Variants in AKAP6 observed in about 807,000 individuals in gnomAD.
AKAP6 encodes A-kinase anchor protein 6.
AKAP6 carries 58 observed loss-of-function variants against 188.5 expected under a neutral mutation model. That is an observed-to-expected ratio of 0.31 (90% CI 0.25 to 0.38). The LOEUF is 0.38. AKAP6 is among the 10% of genes least tolerant of loss of function. The pLI is 1.00. For missense variants in AKAP6, 2,710 were observed against 2,740.0 expected (o/e 0.99, Z 0.24); for synonymous variants, 989 against 998.6 (o/e 0.99, Z 0.18).
At position 32,546,643 on chromosome 14, in the gene AKAP6, C is replaced by T. The variant is rs749073259; in HGVS notation, c.1990C>T (p.Gln664Ter). 1 of 1,613,962 alleles carries T rather than the reference C, an allele frequency of 6.2e-7. No homozygotes were observed. The highest frequency in any genetic ancestry group is 1.3e-5 in the African/African-American group (1 of 74,882). ...TCAGAAACCCAGAGGAGAAACCATC[C>T]AGAATATTGATGACTGGGAACTGTC... The part of the protein sequence containing the change: ...LPQKPRGETI[Q>*]NIDDWELSEM... Residue 664 changes from glutamine (Q) to a stop codon, truncating the protein, a stop_gained, in exon 4 of 14, where the codon CAG becomes TAG. Coordinates refer to ENST00000280979, the MANE Select transcript of AKAP6 (RefSeq NM_004274.5). LOFTEE classifies it high-confidence loss of function.
intron 2 of AKAP6, among the ~76,000 whole-genome samples, chr14:32,455,543 C>T (rs1292972464): frequency 6.6e-6 from 1 of 152,076 alleles, no homozygotes; most frequent in East Asian, 1.9e-4. Context: ...GAGAATTATC[C>T]ATTGGAATAC....
Position 32,503,797 on chromosome 14 carries a change from TA to T in AKAP6, c.325-31756del, listed in dbSNP as rs1437411702. ...ACTGAGACTTTACAATATATTTTAA[TA>T]TTTGCTAGACTAGGTTGCCCTTATT... is the stretch of plus-strand genomic sequence containing the variant. On this transcript the variant is annotated intron_variant, in intron 2 of 13. Transcript: ENST00000280979. 2.0e-5 allele frequency among the ~76,000 whole-genome samples: 3 copies of T among 152,228 alleles called. No individual in the cohort carries two copies. In the East Asian group the frequency reaches 5.8e-4, roughly 29 times the overall value.
chr14:32,417,284 A>G (rs1889688843), intron 1 of AKAP6, among the ~76,000 whole-genome samples: 1 of 152,230 alleles, frequency 6.6e-6, no homozygotes, highest in Admixed American at 6.5e-5. Context: ...AAGCCTTGTT[A>G]TATTTAAATA....
chr14:32,677,320 G>A (rs754469849), intron 7 of AKAP6, among the ~76,000 whole-genome samples: 54 of 152,150 alleles, frequency 3.5e-4, no homozygotes, highest in Non-Finnish European at 2.4e-4. Flanking sequence ...TTCTTCTTAC[G>A]TGTTATGGAA....
At chr14:32,330,717 T>TC (rs1158375812) in intron 1 of AKAP6, among the ~76,000 whole-genome samples, 57 of 135,244 alleles carry the variant, frequency 4.2e-4, no homozygotes, top group Non-Finnish European at 8.0e-4. Context: ...GGAGTGATTT[T>TC]TTTTTTTTTT....
At chr14:32,684,350 G>T (rs1384432330) in intron 8 of AKAP6, among the ~76,000 whole-genome samples, 3 of 152,138 alleles carry the variant, frequency 2.0e-5, no homozygotes, top group Non-Finnish European at 2.9e-5. Flanking sequence ...AGTTTTTCCT[G>T]CTGTAATATG....
At chr14:32,346,395 C>CT (rs879520150) in intron 1 of AKAP6, among the ~76,000 whole-genome samples, 4 of 152,238 alleles carry the variant, frequency 2.6e-5, no homozygotes, top group Admixed American at 6.5e-5. Context: ...AATTAAACAT[C>CT]TTTCTGAGAC....
chr14:32,601,886 A>G (rs1442310472), intron 7 of AKAP6, among the ~76,000 whole-genome samples: 1 of 152,198 alleles, frequency 6.6e-6, no homozygotes. Context: ...AGCTCAGACA[A>G]TTTACAGCTT....
At position 32,786,711 on chromosome 14, in the gene AKAP6, C is replaced by T. The variant is rs533861887; in HGVS notation, c.3588+12818C>T. Among the ~76,000 whole-genome samples the T allele has an allele frequency of 2.0e-5, 3 of 152,150 alleles. No individual in the cohort carries two copies. The South Asian group carries it at 6.2e-4, about 32-fold the overall frequency. ...CTCTCATATAAGTCCTCTGAATAGT[C>T]CTATCACTGTTTTCTGAGTTCAGAC... On this transcript the variant is annotated intron_variant, in intron 12 of 13. Coordinates refer to ENST00000280979, the MANE Select transcript of AKAP6 (RefSeq NM_004274.5).
At chr14:32,354,072 T>C (rs1232541522) in intron 1 of AKAP6, among the ~76,000 whole-genome samples, 1 of 152,146 alleles carries the variant, frequency 6.6e-6, no homozygotes, top group Non-Finnish European at 1.5e-5. Flanking sequence ...CCCATCAAGC[T>C]ACCAATGACT....
chr14:32,340,678 A>G (rs1443326431), intron 1 of AKAP6, among the ~76,000 whole-genome samples: 1 of 152,226 alleles, frequency 6.6e-6, no homozygotes, highest in Non-Finnish European at 1.5e-5. Flanking sequence ...TTGGAGTGCT[A>G]TAACAAAATA....
At chr14:32,602,910 G>A (rs1885988622) in intron 7 of AKAP6, among the ~76,000 whole-genome samples, 1 of 152,316 alleles carries the variant, frequency 6.6e-6, no homozygotes. Flanking sequence ...TCAGGGCCAA[G>A]TGTGGGACCA....
chr14:32,757,424 C>G (rs990856092), intron 11 of AKAP6, among the ~76,000 whole-genome samples: 6 of 152,226 alleles, frequency 3.9e-5, no homozygotes, highest in Admixed American at 2.6e-4. Context: ...ACGCCTCACT[C>G]CCATGAAAAG....
chr14:32,504,214 G>C (rs1880747004), intron 2 of AKAP6, among the ~76,000 whole-genome samples: 1 of 152,002 alleles, frequency 6.6e-6, no homozygotes, highest in African/African-American at 2.4e-5. Context: ...TTCAGTTATA[G>C]CTAAAAAGAG....
intron 7 of AKAP6, among the ~76,000 whole-genome samples, chr14:32,672,776 G>A (rs113785708): frequency 0.015 from 2,238 of 152,188 alleles, 53 homozygotes; most frequent in African/African-American, 0.048. Context: ...GGTATGGTGG[G>A]CATCCAGCCT....
chr14:32,655,346 C>T (rs1215418216), intron 7 of AKAP6, among the ~76,000 whole-genome samples: 1 of 152,142 alleles, frequency 6.6e-6, no homozygotes, highest in East Asian at 1.9e-4. Flanking sequence ...GTAACTGATA[C>T]TAAGTGTTAA....
chr14:32,366,797 AG>A (rs933696781), intron 1 of AKAP6, among the ~76,000 whole-genome samples: 1 of 152,108 alleles, frequency 6.6e-6, no homozygotes, highest in African/African-American at 2.4e-5. Context: ...TAGTATGTTT[AG>A]CCCAAACTAT....
intron 7 of AKAP6, among the ~76,000 whole-genome samples, chr14:32,624,028 G>A (rs1468795877): frequency 6.6e-6 from 1 of 152,102 alleles, no homozygotes; most frequent in East Asian, 1.9e-4. Context: ...ATGAGTAAAA[G>A]TGGTGCTGAA....
chr14:32,568,779 A>G lies in AKAP6; in HGVS notation c.2347-8341A>G, dbSNP rs1182074721. Among the ~76,000 whole-genome samples the G allele has an allele frequency of 1.3e-5, 2 of 152,220 alleles. No homozygotes were observed. Among genetic ancestry groups the G allele is most frequent in the Admixed American group, 1.3e-4 (2 of 15,276 alleles). On this transcript the variant is annotated intron_variant, in intron 4 of 13. Coordinates refer to ENST00000280979, the MANE Select transcript of AKAP6 (RefSeq NM_004274.5). The surrounding 1 kb of genome is among the most constrained non-coding windows in gnomAD (Gnocchi z 6.2). The stretch of plus-strand genomic sequence containing the variant: ...ATGGAGAGTGCAGTAATATTGTATC[A>G]TAGGGTTGTTGTAAGGATTATGTAA...
Sources: allele counts gnomAD v4.1 joint callset (sites outside exome capture counted in the v4.1 genomes callset), GRCh38; gene constraint gnomAD v4.1.1; non-coding constraint Gnocchi (gnomAD v3.1); transcripts MANE v1.5; gene names NCBI Gene and HGNC (gene_info 2026-07-23, HGNC 2026-07-21).